DIDO1: variants seen among roughly 807,000 people sequenced by gnomAD.
DIDO1 encodes death inducer-obliterator 1.
DIDO1 carries 16 observed loss-of-function variants against 99.4 expected under a neutral mutation model. That is an observed-to-expected ratio of 0.16 (90% CI 0.11 to 0.24). The LOEUF (loss-of-function observed/expected upper bound fraction) is 0.24, where lower values mean the gene tolerates loss of function less well. Among genes scored for constraint, DIDO1 ranks in the 10% least tolerant of loss-of-function variants. The pLI, the probability that DIDO1 is intolerant of heterozygous loss-of-function variation, is 1.00. For missense variants in DIDO1, 2,996 were observed against 3,014.0 expected (o/e 0.99, Z 0.14); for synonymous variants, 1,366 against 1,239.1 (o/e 1.10, Z -2.15).
Position 62,879,671 on chromosome 20 carries a change from G to A in DIDO1, c.6285C>T (p.Pro2095=), listed in dbSNP as rs1204060688. 3.1e-6 allele frequency: 5 copies of A among 1,609,294 alleles called. No individual in the cohort carries two copies. Among genetic ancestry groups the A allele is most frequent in the East Asian group, 4.5e-5 (2 of 44,856 alleles). ...CGGGCTCCTCCAGCGGCTTCTCTTT[G>A]GGCCCCACGTCAAACCGCTCTCTCT... is the stretch of plus-strand genomic sequence containing the variant. The part of the protein sequence containing the change: ...GRQRERFDVG[P]KEKPLEEPDA... The change falls in exon 16 of 16, where the codon CCC becomes CCT. Residue 2095 remains proline, a synonymous_variant. Coordinates refer to ENST00000395343, the MANE Select transcript of DIDO1 (RefSeq NM_001193369.2). The surrounding 1 kb of genome is among the most constrained non-coding windows in gnomAD (Gnocchi z 6.3).
chr20:62,888,948 T>C, intron 15 of DIDO1: 1 of 985,454 alleles, frequency 1.0e-6, no homozygotes, highest in Non-Finnish European at 1.2e-6. Context: ...AGCTGTTACT[T>C]TTCTAAAGTC....
chr20:62,889,165 C>T, intron 15 of DIDO1: 1 of 985,568 alleles, frequency 1.0e-6, no homozygotes, highest in African/African-American at 1.7e-5. Context: ...GTGACCCCAG[C>T]CCAGCCCTCC....
chr20:62,929,954 C>T (rs2065315195), upstream of DIDO1, among the ~76,000 whole-genome samples: 1 of 151,912 alleles, frequency 6.6e-6, no homozygotes, highest in African/African-American at 2.4e-5. Flanking sequence ...ACCAGATCTG[C>T]CAGGCGCGGT....
At chr20:62,929,693 G>GTATATATATATATATATATATATATATA (rs565069048), upstream of DIDO1, among the ~76,000 whole-genome samples, 3,138 of 96,624 alleles carry the variant, frequency 0.032, 461 homozygotes, top group East Asian at 0.039. Flanking sequence ...AAAAGAAAAA[G>GTATATATATATATATATATATATATATA]TGTATATATA....
chr20:62,903,977 C>A (rs1232688356), intron 6 of DIDO1, among the ~76,000 whole-genome samples: 2 of 152,194 alleles, frequency 1.3e-5, no homozygotes, highest in African/African-American at 2.4e-5. Context: ...GGGCTGAGAG[C>A]CCCTCATTTC....
intron 1 of DIDO1, among the ~76,000 whole-genome samples, chr20:62,936,305 G>C (rs1030184631): frequency 1.3e-5 from 2 of 152,116 alleles, no homozygotes; most frequent in Non-Finnish European, 2.9e-5. Context: ...TGTAATCCGA[G>C]CACCTTGGGA....
chr20:62,914,950 CGT>C (rs770587365), intron 1 of DIDO1, among the ~76,000 whole-genome samples: 4 of 152,178 alleles, frequency 2.6e-5, no homozygotes, highest in Non-Finnish European at 5.9e-5. Flanking sequence ...CAGTTCACCA[CGT>C]GTGTTTAAGA....
chr20:62,920,263 C>T (rs1298020774), intron 1 of DIDO1, among the ~76,000 whole-genome samples: 6 of 152,184 alleles, frequency 3.9e-5, no homozygotes, highest in Admixed American at 3.3e-4. Context: ...CCCTCAAGGG[C>T]ATCTGTTTAT....
intron 4 of DIDO1, among the ~76,000 whole-genome samples, chr20:62,907,641 G>A (rs964621589): frequency 2.6e-5 from 4 of 152,250 alleles, no homozygotes; most frequent in African/African-American, 7.2e-5. Flanking sequence ...GAGGGTGGGC[G>A]GGGCCCACGG....
At chr20:62,935,851 T>A (rs2065377402) in intron 1 of DIDO1, among the ~76,000 whole-genome samples, 1 of 152,158 alleles carries the variant, frequency 6.6e-6, no homozygotes, top group Non-Finnish European at 1.5e-5. Flanking sequence ...TACGGAGACA[T>A]CCTGGCAATC....
At position 62,879,381 on chromosome 20, in the gene DIDO1, G is replaced by A; in HGVS notation, c.6575C>T (p.Ser2192Phe). The change falls in exon 16 of 16, where the codon TCC becomes TTC. Residue 2192 changes from serine (S) to phenylalanine (F), a missense_variant. By Grantham distance (155) the Ser-to-Phe change is radical (BLOSUM62 -2). This residue lies in a region of DIDO1 where 1,562 missense variants were observed against 1,412.6 expected (regional missense o/e 1.11). Coordinates refer to ENST00000395343, the MANE Select transcript of DIDO1 (RefSeq NM_001193369.2). This position sits in a 1 kb window ranked among gnomAD's most constrained non-coding sequence, Gnocchi z 6.3. ...ERDRRRDRDRSRSRERDRDKA... is the reference protein window; with the variant it reads ...ERDRRRDRDRFRSRERDRDKA... ...GTCTCGGTCCCGCTCTCTGCTCCGGGACCGGTCCCGGTCGCGCCTCCGGTC... is the reference window on the plus strand; with the variant it reads ...GTCTCGGTCCCGCTCTCTGCTCCGGAACCGGTCCCGGTCGCGCCTCCGGTC... 6.5e-7 allele frequency: 1 copy of A among 1,545,082 alleles called. No individual in the cohort carries two copies.
At chr20:62,915,399 A>C (rs1422248412) in intron 1 of DIDO1, among the ~76,000 whole-genome samples, 1 of 152,234 alleles carries the variant, frequency 6.6e-6, no homozygotes, top group African/African-American at 2.4e-5. Context: ...TATCATCCTC[A>C]AAACAATTAC....
intron 6 of DIDO1, among the ~76,000 whole-genome samples, chr20:62,898,753 T>C (rs528931741): frequency 6.6e-6 from 1 of 152,206 alleles, no homozygotes; most frequent in African/African-American, 2.4e-5. Flanking sequence ...AAGCGCACTA[T>C]AAAAAATGGC....
At chr20:62,906,427 T>C (rs1447651248) in intron 5 of DIDO1, among the ~76,000 whole-genome samples, 1 of 152,140 alleles carries the variant, frequency 6.6e-6, no homozygotes, top group African/African-American at 2.4e-5. Context: ...GCTGCCAAGA[T>C]GACAGGAGGA....
Position 62,910,842 on chromosome 20 carries a change from C to G in DIDO1, c.771G>C (p.Pro257=). The change falls in exon 3 of 16, where the codon CCG becomes CCC. Residue 257 remains proline (P), a synonymous_variant. Transcript: ENST00000395343. ...GGTCGTAACCCTCACATTCAGGCTT[C>G]GGTCGGCCCAAGTCTCCAGGCTCCT... The part of the protein sequence containing the change: ...KDEEPGDLGR[P]KPECEGYDPN... 6.2e-7 allele frequency: 1 copy of G among 1,614,180 alleles called. No homozygotes were observed. The highest frequency in any genetic ancestry group is 8.5e-7 in the Non-Finnish European group (1 of 1,180,042).
At chr20:62,908,279 C>T (rs1457953184) in intron 4 of DIDO1, among the ~76,000 whole-genome samples, 1 of 152,158 alleles carries the variant, frequency 6.6e-6, no homozygotes, top group Non-Finnish European at 1.5e-5. Flanking sequence ...CAGCACCCGG[C>T]CAGACACACT....
In DIDO1 at chr20:62,894,845, C is replaced by T. The variant is rs772853271; in HGVS notation, c.2401G>A (p.Asp801Asn). The change falls in exon 10 of 16, where the codon GAT becomes AAT. Residue 801 changes from aspartate (D) to asparagine (N), a missense_variant. Transcript: ENST00000395343. The surrounding 1 kb of genome is among the most constrained non-coding windows in gnomAD (Gnocchi z 4.4). ...KTAPRQEAIP[D>N]LEDSPPVSDS... Reference sequence around the variant, plus strand: ...GACACTGGCGGAGAGTCCTCCAGATCGGGGATGGCCTCCTGCCTGGGGGCC... The same window carrying T: ...GACACTGGCGGAGAGTCCTCCAGATTGGGGATGGCCTCCTGCCTGGGGGCC... 51 of 1,613,978 alleles carry T rather than the reference C, an allele frequency of 3.2e-5. No homozygotes were observed. The highest frequency in any genetic ancestry group is 4.0e-5 in the African/African-American group (3 of 74,888).
chr20:62,900,255 C>G (rs901818469), intron 6 of DIDO1, among the ~76,000 whole-genome samples: 2 of 152,246 alleles, frequency 1.3e-5, no homozygotes, highest in Non-Finnish European at 2.9e-5. Flanking sequence ...ATTCTGGGGG[C>G]CTGCCCAGGC....
At position 62,879,811 on chromosome 20, in the gene DIDO1, C is replaced by G; in HGVS notation, c.6145G>C (p.Ala2049Pro). 1 of 1,610,046 alleles carries G rather than the reference C, an allele frequency of 6.2e-7. No homozygotes were observed. The highest frequency in any genetic ancestry group is 8.5e-7 in the Non-Finnish European group (1 of 1,179,222). ...DRWEEAGPPS[A>P]LSSSAPGQGP... ...TGTCCGGGCGCACTGGAGGAGAGCG[C>G]GGAGGGCGGCCCGGCCTCCTCCCAG... Residue 2049 changes from alanine to proline, a missense_variant, in exon 16 of 16, where the codon GCG (alanine) becomes CCG (proline). Around this residue, in one of 5 missense-constraint regions of DIDO1, gnomAD observed 1,562 missense variants for 1,412.6 expected, o/e 1.11. Transcript: ENST00000395343. This position sits in a 1 kb window ranked among gnomAD's most constrained non-coding sequence, Gnocchi z 6.3.
Sources: allele counts gnomAD v4.1 joint callset (sites outside exome capture counted in the v4.1 genomes callset), GRCh38; gene constraint gnomAD v4.1.1; regional missense constraint gnomAD v4.1.1; non-coding constraint Gnocchi (gnomAD v3.1); transcripts MANE v1.5; gene names NCBI Gene and HGNC (gene_info 2026-07-23, HGNC 2026-07-21).